The following SPIDR variants were observed in gnomAD, a reference collection of about 807,000 sequenced individuals.
SPIDR encodes DNA repair-scaffolding protein.
A neutral mutation model predicts 104.6 loss-of-function variants in SPIDR; 93 were observed. That is an observed-to-expected ratio of 0.89 (90% CI 0.75 to 1.06). The LOEUF (loss-of-function observed/expected upper bound fraction) is 1.06. Ranked by LOEUF, SPIDR falls within the 50% of genes least tolerant of loss-of-function variation. SPIDR has a pLI of 0.00. For synonymous variants in SPIDR, 431 were observed against 416.9 expected (o/e 1.03, Z -0.41); for missense variants, 1,154 against 1,111.2 (o/e 1.04, Z -0.55).
At chr8:47,501,443 T>C (rs2080421749) in intron 8 of SPIDR, among the ~76,000 whole-genome samples, 1 of 152,140 alleles carries the variant, frequency 6.6e-6, no homozygotes, top group South Asian at 2.1e-4. Flanking sequence ...GGCTCTCTGT[T>C]TGTCTGTTAT....
chr8:47,404,653 A>G (rs1204469952), intron 6 of SPIDR, among the ~76,000 whole-genome samples: 2 of 152,322 alleles, frequency 1.3e-5, no homozygotes, highest in East Asian at 3.9e-4. Context: ...ACAATGAGAT[A>G]CCATGTCACA....
At chr8:47,672,760 G>A (rs527508962) in intron 10 of SPIDR, among the ~76,000 whole-genome samples, 28 of 152,204 alleles carry the variant, frequency 1.8e-4, no homozygotes, top group Non-Finnish European at 3.5e-4. Flanking sequence ...ATTCCCACAT[G>A]ATGGTTTGTT....
At chr8:47,289,444 A>T (rs1474959961) in intron 3 of SPIDR, among the ~76,000 whole-genome samples, 1 of 152,214 alleles carries the variant, frequency 6.6e-6, no homozygotes, top group Non-Finnish European at 1.5e-5. Context: ...TATATTTACA[A>T]TTATGAATAT....
At chr8:47,733,461 AT>A (rs2085606367) in intron 19 of SPIDR, among the ~76,000 whole-genome samples, 1 of 152,140 alleles carries the variant, frequency 6.6e-6, no homozygotes, top group Admixed American at 6.5e-5. Flanking sequence ...CAAATAAATG[AT>A]TTTTTGCTGG....
chr8:47,705,338 G>A (rs967150472), intron 14 of SPIDR, among the ~76,000 whole-genome samples: 3 of 152,192 alleles, frequency 2.0e-5, no homozygotes, highest in African/African-American at 7.2e-5. Context: ...CAGTGGGCAT[G>A]TGTGCCTAGG....
chr8:47,266,522 C>G (rs1183718067), intron 1 of SPIDR, among the ~76,000 whole-genome samples: 2 of 152,144 alleles, frequency 1.3e-5, no homozygotes, highest in Non-Finnish European at 2.9e-5. Context: ...TGAAGGACCT[C>G]TAGGCTGTTT....
chr8:47,497,381 A>G (rs527810932), intron 8 of SPIDR, among the ~76,000 whole-genome samples: 51 of 152,252 alleles, frequency 3.3e-4, no homozygotes, highest in Middle Eastern at 3.4e-3. Context: ...GCTTGATGTC[A>G]TAAGTTGTGC....
intron 16 of SPIDR, among the ~76,000 whole-genome samples, chr8:47,715,293 C>T (rs2082414566): frequency 6.6e-6 from 1 of 152,284 alleles, no homozygotes; most frequent in South Asian, 2.1e-4. Flanking sequence ...TTTCCTGCCT[C>T]AGCCTCCCAA....
intron 10 of SPIDR, among the ~76,000 whole-genome samples, chr8:47,627,800 A>G (rs2066431804): frequency 6.6e-6 from 1 of 152,150 alleles, no homozygotes; most frequent in South Asian, 2.1e-4. Context: ...AGCATTTGGA[A>G]AGGGCTGTCT....
chr8:47,384,138 A>C (rs571599615), intron 5 of SPIDR, among the ~76,000 whole-genome samples: 1 of 152,216 alleles, frequency 6.6e-6, no homozygotes, highest in Non-Finnish European at 1.5e-5. Flanking sequence ...TTAGGGCTAC[A>C]TTAGCATGTA....
chr8:47,722,824 G>A (rs1338948878), intron 16 of SPIDR, among the ~76,000 whole-genome samples: 2 of 151,486 alleles, frequency 1.3e-5, no homozygotes, highest in Non-Finnish European at 1.5e-5. Flanking sequence ...TATTGTCCAG[G>A]CTGCTCTCAA....
intron 10 of SPIDR, among the ~76,000 whole-genome samples, chr8:47,612,841 C>T (rs142229140): frequency 7.2e-4 from 109 of 152,226 alleles, no homozygotes; most frequent in African/African-American, 2.6e-3. Flanking sequence ...TATATGTGTC[C>T]GCTTTATACA....
intron 8 of SPIDR, among the ~76,000 whole-genome samples, chr8:47,574,723 G>A (rs776500457): frequency 2.0e-5 from 3 of 151,998 alleles, no homozygotes; most frequent in Non-Finnish European, 4.4e-5. Flanking sequence ...GAGGCAGCCT[G>A]GGCGACAGAG....
chr8:47,268,154 A>G (rs2034484193), intron 1 of SPIDR, among the ~76,000 whole-genome samples: 1 of 152,214 alleles, frequency 6.6e-6, no homozygotes, highest in Non-Finnish European at 1.5e-5. Context: ...TGACCATAAA[A>G]GTAAAGGTTT....
At chr8:47,613,391 A>G (rs1257476412) in intron 10 of SPIDR, among the ~76,000 whole-genome samples, 1 of 152,208 alleles carries the variant, frequency 6.6e-6, no homozygotes, top group Admixed American at 6.5e-5. Context: ...TTATGCATTT[A>G]TCAGTTTATG....
intron 8 of SPIDR, chr8:47,511,367 G>T: frequency 9.9e-7 from 1 of 1,005,096 alleles, no homozygotes; most frequent in Non-Finnish European, 1.6e-6. Context: ...GTGCTGCTCG[G>T]TGTCTGACCC....
chr8:47,599,065 C>T lies in SPIDR; in HGVS notation c.1413C>T (p.Ser471=). 6.2e-7 allele frequency: 1 copy of T among 1,612,894 alleles called. No homozygotes were observed. The highest frequency in any genetic ancestry group is 8.5e-7 in the Non-Finnish European group (1 of 1,179,436). The part of the protein sequence containing the change: ...LRDSLLDVVE[S]QGAASWPGAG... ...ATTCTCTCCTGGATGTGGTGGAAAG[C>T]CAGGGAGCTGCCTCGTGGCCAGGAG... Residue 471 remains serine (S), a synonymous_variant, in exon 10 of 20, where the codon AGC becomes AGT. Transcript: ENST00000297423.
At chr8:47,688,286 C>T (rs969380443) in intron 11 of SPIDR, among the ~76,000 whole-genome samples, 8 of 152,062 alleles carry the variant, frequency 5.3e-5, no homozygotes, top group South Asian at 2.1e-4. Flanking sequence ...CCATGCCCGG[C>T]TAAGTTTTTG....
chr8:47,571,934 AAC>A (rs1421947786), intron 8 of SPIDR, among the ~76,000 whole-genome samples: 1 of 152,186 alleles, frequency 6.6e-6, no homozygotes, highest in Non-Finnish European at 1.5e-5. Context: ...TGGATGAGAG[AAC>A]ACTGTATTAA....
Sources: allele counts gnomAD v4.1 joint callset (sites outside exome capture counted in the v4.1 genomes callset), GRCh38; gene constraint gnomAD v4.1.1; transcripts MANE v1.5; gene names NCBI Gene and HGNC (gene_info 2026-07-23, HGNC 2026-07-21).